Variants in CSMD1 observed in about 807,000 individuals in gnomAD.
CSMD1 encodes the protein CUB and sushi domain-containing protein 1.
A neutral mutation model predicts 417.5 loss-of-function variants in CSMD1; 213 were observed. The observed-to-expected ratio is 0.51, with a 90% CI of 0.46 to 0.57. The LOEUF (loss-of-function observed/expected upper bound fraction) is 0.57, where lower values mean the gene tolerates loss of function less well. Among genes scored for constraint, CSMD1 ranks in the 20% least tolerant of loss-of-function variants. CSMD1 has a pLI of 0.00. For missense variants in CSMD1, 6,923 were observed against 4,529.7 expected, an observed-to-expected ratio of 1.53 and a Z score of -15.17; for synonymous variants, 2,862 against 1,736.8, an observed-to-expected ratio of 1.65 and a Z score of -16.11.
intron 6 of CSMD1, among the ~76,000 whole-genome samples, chr8:3,729,210 A>G (rs1236058972): frequency 2.0e-5 from 3 of 152,236 alleles, no homozygotes; most frequent in African/African-American, 7.2e-5. Flanking sequence ...CGTCTTAAAA[A>G]GACCTCAGGT....
chr8:3,481,780 G>A (rs530193323), intron 11 of CSMD1, among the ~76,000 whole-genome samples: 1 of 152,170 alleles, frequency 6.6e-6, no homozygotes, highest in Non-Finnish European at 1.5e-5. Context: ...GCCCTAAGCT[G>A]GAAGAAGAAA....
chr8:3,121,392 C>G (rs1341915431), intron 41 of CSMD1, among the ~76,000 whole-genome samples: 7 of 152,150 alleles, frequency 4.6e-5, no homozygotes, highest in Non-Finnish European at 2.9e-5. Context: ...AAATCGAGAT[C>G]AGAGGACACA....
At chr8:4,037,435 G>A (rs1418669896) in intron 3 of CSMD1, among the ~76,000 whole-genome samples, 2 of 152,116 alleles carry the variant, frequency 1.3e-5, no homozygotes, top group African/African-American at 4.8e-5. Flanking sequence ...TCTATTTCTG[G>A]GGCATCTTAG....
intron 3 of CSMD1, among the ~76,000 whole-genome samples, chr8:4,417,518 A>G (rs1015729736): frequency 6.6e-6 from 1 of 152,046 alleles, no homozygotes; most frequent in Admixed American, 6.6e-5. Context: ...TTTTAGTTAA[A>G]TAAAAAAACA....
chr8:4,334,564 A>G (rs2128892403), intron 3 of CSMD1, among the ~76,000 whole-genome samples: 1 of 152,260 alleles, frequency 6.6e-6, no homozygotes, highest in Admixed American at 6.5e-5. Flanking sequence ...TGAAAGATTG[A>G]TGGATGACAG....
At chr8:3,392,509 C>T (rs1811411467) in intron 17 of CSMD1, among the ~76,000 whole-genome samples, 1 of 152,036 alleles carries the variant, frequency 6.6e-6, no homozygotes, top group African/African-American at 2.4e-5. Context: ...TCTCGCTGGA[C>T]TCATTGGTTC....
chr8:4,795,986 T>C (rs932560587), intron 1 of CSMD1, among the ~76,000 whole-genome samples: 8 of 152,190 alleles, frequency 5.3e-5, no homozygotes, highest in Admixed American at 2.0e-4. Flanking sequence ...CTCTCTGATA[T>C]GTCATAAAGC....
chr8:3,289,161 A>C (rs1261847716), intron 25 of CSMD1, among the ~76,000 whole-genome samples: 1 of 147,384 alleles, frequency 6.8e-6, no homozygotes, highest in Non-Finnish European at 1.5e-5. Flanking sequence ...TGAACTCATC[A>C]TTTTTTATGG....
intron 5 of CSMD1, among the ~76,000 whole-genome samples, chr8:3,938,240 C>T (rs974246127): frequency 6.6e-6 from 1 of 151,894 alleles, no homozygotes; most frequent in East Asian, 1.9e-4. Context: ...GTGTAAAATG[C>T]TTTACTGTTT....
At chr8:3,850,976 TATA>T (rs1160639706) in intron 5 of CSMD1, among the ~76,000 whole-genome samples, 5 of 152,174 alleles carry the variant, frequency 3.3e-5, no homozygotes, top group Admixed American at 6.5e-5. Context: ...AACAGATGAG[TATA>T]ATAAGTGCTT....
At position 3,873,924 on chromosome 8, in the gene CSMD1, C is replaced by T. The variant is rs578225204; in HGVS notation, c.819-119882G>A. ...TCACTGATCTTGGAGACAACTAGATCTGACTTTGGATTCTGAAAAGAGAAC... is the reference window on the plus strand; with the variant it reads ...TCACTGATCTTGGAGACAACTAGATTTGACTTTGGATTCTGAAAAGAGAAC... On this transcript the variant is annotated intron_variant, in intron 5 of 69. Transcript: ENST00000635120. 2.6e-5 allele frequency among the ~76,000 whole-genome samples: 4 copies of T among 152,286 alleles called. No homozygotes were observed. The East Asian group carries it at 7.7e-4, about 29-fold the overall frequency.
Position 4,671,346 on chromosome 8 carries a change from T to C in CSMD1, c.86-33788A>G, listed in dbSNP as rs193219172. Among the ~76,000 whole-genome samples, 549 of 149,786 alleles carry C rather than the reference T, an allele frequency of 3.7e-3. 6 individuals are homozygous for C. Among genetic ancestry groups the C allele is most frequent in the African/African-American group, 0.013 (493 of 39,130 alleles). On this transcript the variant is annotated intron_variant, in intron 1 of 69. Coordinates refer to ENST00000635120, the MANE Select transcript of CSMD1 (RefSeq NM_033225.6). ...CTTGTTTTTTAAACCTAATTGATGC[T>C]GTTTATCTACTTAAAAAAAATTACA...
intron 40 of CSMD1, among the ~76,000 whole-genome samples, chr8:3,148,744 G>C (rs945279765): frequency 8.5e-5 from 13 of 152,186 alleles, no homozygotes; most frequent in Admixed American, 2.6e-4. Context: ...ACTCCTACCA[G>C]GGGCATCATA....
At chr8:4,759,187 G>A (rs1404457718) in intron 1 of CSMD1, among the ~76,000 whole-genome samples, 2 of 152,180 alleles carry the variant, frequency 1.3e-5, no homozygotes, top group Non-Finnish European at 2.9e-5. Context: ...TCTTGTTAGT[G>A]TTGTCTTGAC....
chr8:3,915,152 T>C (rs1808729044), intron 5 of CSMD1, among the ~76,000 whole-genome samples: 1 of 152,088 alleles, frequency 6.6e-6, no homozygotes, highest in Non-Finnish European at 1.5e-5. Context: ...ACGCCTGTAA[T>C]CCCAGCCCTT....
At chr8:3,810,613 T>C (rs976425807) in intron 5 of CSMD1, among the ~76,000 whole-genome samples, 3 of 152,206 alleles carry the variant, frequency 2.0e-5, no homozygotes, top group African/African-American at 7.2e-5. Flanking sequence ...TTGTCACTGG[T>C]GACTCATTAT....
chr8:4,030,615 G>C (rs1043981959), intron 4 of CSMD1, among the ~76,000 whole-genome samples: 1 of 152,188 alleles, frequency 6.6e-6, no homozygotes, highest in Non-Finnish European at 1.5e-5. Flanking sequence ...GGGTTGCTGT[G>C]AAGACCTCTG....
chr8:4,321,891 GATTT>G (rs1023216093), intron 3 of CSMD1, among the ~76,000 whole-genome samples: 36 of 151,950 alleles, frequency 2.4e-4, no homozygotes, highest in African/African-American at 6.5e-4. Flanking sequence ...TCATCATTGT[GATTT>G]ATTAGACTTT....
intron 5 of CSMD1, among the ~76,000 whole-genome samples, chr8:3,951,456 T>C (rs1811596260): frequency 6.6e-6 from 1 of 152,210 alleles, no homozygotes. Flanking sequence ...GAGTGCTGTA[T>C]TTTCCTCCGC....
Sources: allele counts gnomAD v4.1 joint callset (sites outside exome capture counted in the v4.1 genomes callset), GRCh38; gene constraint gnomAD v4.1.1; transcripts MANE v1.5; gene names NCBI Gene and HGNC (gene_info 2026-07-23, HGNC 2026-07-21).